FNIP1: variants seen among roughly 807,000 people sequenced by gnomAD.
FNIP1 encodes the protein folliculin interacting protein 1, also known as folliculin-interacting protein 1.
FNIP1 carries 40 observed loss-of-function variants against 124.5 expected under a neutral mutation model. The observed-to-expected ratio is 0.32, with a 90% CI of 0.25 to 0.42. FNIP1 has a LOEUF of 0.42. FNIP1 is among the 10% of genes least tolerant of loss of function. The probability of loss-of-function intolerance (pLI) is 1.00; values close to 1 mark genes in which losing one functional copy is unlikely to be tolerated. For missense variants in FNIP1, 1,176 were observed against 1,403.7 expected (o/e 0.84, Z 2.59); for synonymous variants, 472 against 470.6 (o/e 1.00, Z -0.04).
chr5:131,781,030 T>TA (rs1008343467), intron 1 of FNIP1, among the ~76,000 whole-genome samples: 3 of 152,050 alleles, frequency 2.0e-5, no homozygotes, highest in Non-Finnish European at 4.4e-5. Context: ...CCCCAGTGAA[T>TA]AAAAAAATGG....
chr5:131,658,218 T>C (rs1767269769), intron 15 of FNIP1, among the ~76,000 whole-genome samples: 1 of 152,070 alleles, frequency 6.6e-6, no homozygotes, highest in East Asian at 1.9e-4. Context: ...CGTTAGACAA[T>C]CTAGCAGAAG....
At chr5:131,681,704 A>T (rs1163799352) in intron 11 of FNIP1, among the ~76,000 whole-genome samples, 1 of 151,934 alleles carries the variant, frequency 6.6e-6, no homozygotes, top group Admixed American at 6.6e-5. Context: ...ACATTCACAA[A>T]AAGAGAAGGA....
intron 11 of FNIP1, among the ~76,000 whole-genome samples, chr5:131,681,784 T>G: frequency 7.6e-6 from 1 of 132,146 alleles, no homozygotes; most frequent in African/African-American, 2.8e-5. Context: ...AAAAACGGAT[T>G]CCAGAGAGAA....
intron 1 of FNIP1, among the ~76,000 whole-genome samples, chr5:131,763,545 G>A (rs1447333518): frequency 6.6e-6 from 1 of 152,044 alleles, no homozygotes; most frequent in Admixed American, 6.6e-5. Context: ...GAAGAAGGAG[G>A]CACCTCATGG....
At chr5:131,733,813 G>C (rs1389577498) in intron 2 of FNIP1, among the ~76,000 whole-genome samples, 1 of 152,150 alleles carries the variant, frequency 6.6e-6, no homozygotes, top group East Asian at 1.9e-4. Flanking sequence ...GTCTCTGCCA[G>C]GCTTTGGTAT....
chr5:131,666,371 A>G (rs1173080739), intron 15 of FNIP1, among the ~76,000 whole-genome samples: 1 of 152,202 alleles, frequency 6.6e-6, no homozygotes, highest in East Asian at 1.9e-4. Context: ...CTAGAAACCC[A>G]ATTACTAAAA....
rs548916182 is a variant in FNIP1 at position 131,789,882 on chromosome 5, T to A, written c.92+6948A>T. Among the ~76,000 whole-genome samples, 5 of 152,380 alleles carry A rather than the reference T, an allele frequency of 3.3e-5. No homozygotes were observed. The East Asian group carries it at 9.6e-4, about 29-fold the overall frequency. On this transcript the variant is annotated intron_variant, in intron 1 of 17. Transcript: ENST00000510461. ...CACTTCTCTATCTACACCCTTTTCC[T>A]AGATGATCTCTTCCATTCTGTAGTT...
At chr5:131,785,733 A>G (rs560900277) in intron 1 of FNIP1, among the ~76,000 whole-genome samples, 8 of 152,280 alleles carry the variant, frequency 5.3e-5, no homozygotes, top group African/African-American at 1.9e-4. Context: ...AGCCGGGTGC[A>G]GTGGTATACA....
At chr5:131,735,841 C>T (rs1429828891) in intron 2 of FNIP1, among the ~76,000 whole-genome samples, 1 of 151,424 alleles carries the variant, frequency 6.6e-6, no homozygotes, top group Non-Finnish European at 1.5e-5. Flanking sequence ...ATTTTATATA[C>T]ACACATGTAT....
intron 11 of FNIP1, among the ~76,000 whole-genome samples, chr5:131,683,371 A>T (rs978435964): frequency 4.0e-5 from 6 of 151,612 alleles, no homozygotes; most frequent in Non-Finnish European, 8.8e-5. Context: ...ACACGGAGAA[A>T]CCCTGTCGCT....
At chr5:131,756,609 A>G (rs1044243953) in intron 1 of FNIP1, among the ~76,000 whole-genome samples, 3 of 152,174 alleles carry the variant, frequency 2.0e-5, no homozygotes, top group Non-Finnish European at 2.9e-5. Context: ...CCCCTAATGA[A>G]CAGCAGAATA....
intron 2 of FNIP1, among the ~76,000 whole-genome samples, chr5:131,741,291 A>G (rs1169930567): frequency 6.6e-6 from 1 of 152,194 alleles, no homozygotes; most frequent in East Asian, 1.9e-4. Context: ...CATAAAATAT[A>G]TAACAGATCT....
Position 131,742,579 on chromosome 5 carries a change from A to T in FNIP1, c.219+1985T>A, listed in dbSNP as rs572567560. Among the ~76,000 whole-genome samples, 3 of 152,354 alleles carry T rather than the reference A, an allele frequency of 2.0e-5. No homozygotes were observed. In the South Asian group the frequency reaches 6.2e-4, roughly 32 times the overall value. ...CTCTCTTGTAAATTGTTTTAAACTA[A>T]GAAAAGTGTTTTAAAACTAAGAAAG... On this transcript the variant is annotated intron_variant, in intron 2 of 17. Coordinates refer to ENST00000510461, the MANE Select transcript of FNIP1 (RefSeq NM_133372.3).
At chr5:131,710,531 G>T in intron 7 of FNIP1, 47 bp downstream of exon 7, 1 of 1,557,108 alleles carries the variant, frequency 6.4e-7, no homozygotes, top group Non-Finnish European at 8.8e-7. Flanking sequence ...ACAGATTCTA[G>T]CCGTTGGGGC....
Position 131,647,039 on chromosome 5 carries a change from C to T in FNIP1, c.3422+51G>A. ...GGGCAATTCTGAGGAAAATTCCTTG[C>T]CTGATGACAGGGCAATGAAAGCAAA... On this transcript the variant is annotated intron_variant, in intron 17 of 17. Coordinates refer to ENST00000510461, the MANE Select transcript of FNIP1 (RefSeq NM_133372.3). The T allele has an allele frequency of 2.0e-6, 3 of 1,508,464 alleles. No homozygotes were observed. The South Asian group carries it at 3.4e-5, about 17-fold the overall frequency. 93.4% of individuals were successfully genotyped at this position (1,508,464 alleles called of 1,614,324 possible).
chr5:131,757,793 T>G (rs910479575), intron 1 of FNIP1, among the ~76,000 whole-genome samples: 9 of 152,190 alleles, frequency 5.9e-5, no homozygotes, highest in African/African-American at 1.7e-4. Context: ...GCTTATATTT[T>G]GGGTCATATC....
chr5:131,731,235 G>T (rs1203222549), intron 2 of FNIP1, among the ~76,000 whole-genome samples, 197 bp from the exon 3 acceptor site: 1 of 152,076 alleles, frequency 6.6e-6, no homozygotes, highest in Non-Finnish European at 1.5e-5. Context: ...TAAAATTTGT[G>T]GGGTTTGTAT....
intron 11 of FNIP1, among the ~76,000 whole-genome samples, chr5:131,687,804 T>C (rs866647703): frequency 2.0e-5 from 3 of 152,124 alleles, no homozygotes; most frequent in Non-Finnish European, 4.4e-5. Context: ...CCTAGGGACC[T>C]AGTCTTAGGG....
intron 3 of FNIP1, among the ~76,000 whole-genome samples, chr5:131,727,976 C>A (rs1561677067): frequency 1.3e-5 from 2 of 152,142 alleles, no homozygotes; most frequent in Non-Finnish European, 1.5e-5. Flanking sequence ...GTTGAAAATT[C>A]TTTTCTTTAA....
Sources: gnomAD v4.1 joint callset for allele counts (sites outside exome capture counted in the v4.1 genomes callset) on GRCh38, gnomAD v4.1.1 for gene constraint, MANE v1.5 for transcripts, NCBI Gene and HGNC (gene_info 2026-07-23, HGNC 2026-07-21) for gene names.